The following ME3 variants were observed in gnomAD, a reference collection of about 807,000 sequenced individuals.
ME3 encodes malic enzyme 3.
A neutral mutation model predicts 68.9 loss-of-function variants in ME3; 48 were observed. The ratio of observed to expected loss-of-function variants is 0.70; its 90% CI spans 0.55 to 0.89. The LOEUF (loss-of-function observed/expected upper bound fraction) is 0.89, where lower values mean the gene tolerates loss of function less well. ME3 is among the 40% of genes least tolerant of loss of function. The pLI is 0.00. For synonymous variants in ME3, 320 were observed against 318.8 expected, an observed-to-expected ratio of 1.00 and a Z score of -0.04; for missense variants, 675 against 797.4, an observed-to-expected ratio of 0.85 and a Z score of 1.85.
intron 4 of ME3, among the ~76,000 whole-genome samples, chr11:86,521,431 A>ATAATAATACTAATAATAAT (rs1555221577): frequency 6.9e-6 from 1 of 145,924 alleles, no homozygotes; most frequent in Non-Finnish European, 1.5e-5. Flanking sequence ...AACAAAACAA[A>ATAATAATACTAATAATAAT]AATAATAATA....
At position 86,462,655 on chromosome 11, in the gene ME3, T is replaced by C. The variant is rs1330275433; in HGVS notation, c.919+2436A>G. 5.7e-6 allele frequency: 7 copies of C among 1,225,254 alleles called. 1 individual carries two copies. The Admixed American group carries it at 9.2e-5, about 16-fold the overall frequency. 75.9% of individuals were successfully genotyped at this position (1,225,254 alleles called of 1,614,324 possible). A position where few individuals can be genotyped will look rare whatever the true frequency, so the allele number is the denominator to read the frequency against. On this transcript the variant is annotated intron_variant, in intron 8 of 14. Coordinates refer to ENST00000543262, the Ensembl canonical transcript of ME3. ...TTAAACATTTATTAGGCATCTATCATGTAGCAGGCGCGGTGCTGGGAGCTG... is the reference window on the plus strand; with the variant it reads ...TTAAACATTTATTAGGCATCTATCACGTAGCAGGCGCGGTGCTGGGAGCTG...
chr11:86,554,041 C>A (rs1050696161), intron 4 of ME3, among the ~76,000 whole-genome samples: 19 of 152,162 alleles, frequency 1.2e-4, no homozygotes, highest in African/African-American at 3.4e-4. Flanking sequence ...GGCCTACCTC[C>A]TAGGGAGGTT....
chr11:86,467,173 G>T (rs1453073866), intron 7 of ME3, among the ~76,000 whole-genome samples: 2 of 152,198 alleles, frequency 1.3e-5, no homozygotes, highest in Non-Finnish European at 2.9e-5. Context: ...TGTGTGTGTG[G>T]TAAGAAAACT....
At chr11:86,528,534 C>A (rs1954946901) in intron 4 of ME3, among the ~76,000 whole-genome samples, 1 of 152,128 alleles carries the variant, frequency 6.6e-6, no homozygotes, top group South Asian at 2.1e-4. Flanking sequence ...ACTCTCCACC[C>A]CAAATCAACA....
At chr11:86,446,765 G>A (rs1593988176) in intron 12 of ME3, 2 of 593,392 alleles carry the variant, frequency 3.4e-6, no homozygotes, top group Non-Finnish European at 5.9e-6. Context: ...GACATGACAG[G>A]ATGTGGCCTA....
At position 86,446,476 on chromosome 11, in the gene ME3, A is replaced by T. The variant is rs553356383; in HGVS notation, c.1392T>A (p.Ile464=). The T allele has an allele frequency of 1.0e-4, 164 of 1,614,188 alleles. 2 individuals carry two copies. The South Asian group carries it at 1.7e-3, about 17-fold the overall frequency. Residue 464 remains isoleucine, a synonymous_variant, in exon 13 of 15, where the codon ATT becomes ATA. Coordinates refer to ENST00000543262, the Ensembl canonical transcript of ME3. ...TCTTAAAAGGACTTCCACTGGCAAA[A>T]ATCCCTCGGCCCTGGAGGCAGGAAG... is the stretch of plus-strand genomic sequence containing the variant.
At chr11:86,541,225 C>T (rs1284853149) in intron 4 of ME3, among the ~76,000 whole-genome samples, 2 of 152,142 alleles carry the variant, frequency 1.3e-5, no homozygotes, top group Admixed American at 1.3e-4. Flanking sequence ...TTTGGGCAGA[C>T]ACCAAGCTAG....
chr11:86,653,138 T>C (rs200227262), intron 2 of ME3, among the ~76,000 whole-genome samples: 1 of 152,026 alleles, frequency 6.6e-6, no homozygotes, highest in Non-Finnish European at 1.5e-5. Context: ...TCCCACACAA[T>C]AATAATGGGA....
chr11:86,525,492 C>T (rs1954662411), intron 4 of ME3, among the ~76,000 whole-genome samples: 1 of 150,844 alleles, frequency 6.6e-6, no homozygotes, highest in Non-Finnish European at 1.5e-5. Flanking sequence ...TATCAAAAGG[C>T]TAACGTGGCT....
intron 2 of ME3, among the ~76,000 whole-genome samples, chr11:86,560,749 T>TGTATGTGTATATATATATATAG: frequency 6.0e-5 from 1 of 16,668 alleles, no homozygotes; most frequent in Non-Finnish European, 1.8e-4. Context: ...TGTGTGTGTG[T>TGTATGTGTATATATATATATAG]ATATATATAT....
chr11:86,542,679 T>C (rs566690948), intron 4 of ME3, among the ~76,000 whole-genome samples: 1 of 152,248 alleles, frequency 6.6e-6, no homozygotes, highest in Non-Finnish European at 1.5e-5. Flanking sequence ...TATGTTTGAT[T>C]GGTGTACCTG....
intron 2 of ME3, among the ~76,000 whole-genome samples, chr11:86,664,203 A>C (rs949765272): frequency 6.6e-6 from 1 of 152,256 alleles, no homozygotes. Context: ...ATGGAACATT[A>C]AAGGAAAAGT....
chr11:86,602,402 A>G (rs1960849893), intron 2 of ME3, among the ~76,000 whole-genome samples: 3 of 152,308 alleles, frequency 2.0e-5, no homozygotes, highest in African/African-American at 7.2e-5. Context: ...TACAAGGGAC[A>G]AGAAGGACCT....
intron 4 of ME3, among the ~76,000 whole-genome samples, chr11:86,516,883 C>T (rs981185547): frequency 2.0e-5 from 3 of 152,144 alleles, no homozygotes; most frequent in Non-Finnish European, 4.4e-5. Context: ...TCAGGGCCCA[C>T]TGACCAAATG....
rs528435980 is a variant in ME3 at position 86,475,354 on chromosome 11, T to G, written c.810-10154A>C. On this transcript the variant is annotated intron_variant, in intron 7 of 14. Coordinates refer to ENST00000543262, the Ensembl canonical transcript of ME3. ...TCTCCCGCTTTGCCTTCTGCCATGA[T>G]TGTAAGCTTCCTGAGGCCTTCTTAG... Among the ~76,000 whole-genome samples, 3 of 152,320 alleles carry G rather than the reference T, an allele frequency of 2.0e-5. No individual in the cohort carries two copies. In the South Asian group the frequency reaches 6.2e-4, roughly 32 times the overall value.
At chr11:86,513,425 A>T (rs1359718756) in intron 4 of ME3, among the ~76,000 whole-genome samples, 1 of 152,198 alleles carries the variant, frequency 6.6e-6, no homozygotes, top group Non-Finnish European at 1.5e-5. Context: ...TGAGATGTCT[A>T]GTCCAAAGAC....
intron 2 of ME3, among the ~76,000 whole-genome samples, chr11:86,573,234 A>T (rs531797243): frequency 1.3e-5 from 2 of 152,050 alleles, no homozygotes; most frequent in African/African-American, 4.8e-5. Flanking sequence ...TAGGTTGCCT[A>T]TTCACTCTGA....
chr11:86,662,505 G>A (rs1002659119), intron 2 of ME3, among the ~76,000 whole-genome samples: 1 of 152,088 alleles, frequency 6.6e-6, no homozygotes, highest in African/African-American at 2.4e-5. Context: ...GCTGAGGTGG[G>A]AGGATCACTT....
chr11:86,555,799 A>C (rs775094965), intron 4 of ME3, among the ~76,000 whole-genome samples: 1 of 152,250 alleles, frequency 6.6e-6, no homozygotes, highest in African/African-American at 2.4e-5. Flanking sequence ...AATTCTACAT[A>C]AATGTAAATT....
Sources: allele counts gnomAD v4.1 joint callset (sites outside exome capture counted in the v4.1 genomes callset), GRCh38; gene constraint gnomAD v4.1.1; transcripts MANE v1.5; gene names NCBI Gene and HGNC (gene_info 2026-07-23, HGNC 2026-07-21).